The following DNAH10 variants were observed in gnomAD, a reference collection of about 807,000 sequenced individuals.
The protein encoded by DNAH10 is axonemal beta dynein heavy chain 10.
Under a neutral mutation model 506.6 loss-of-function variants are expected in DNAH10, and 348 were observed. The observed-to-expected ratio is 0.69, with a 90% confidence interval of 0.63 to 0.75. DNAH10 has a LOEUF of 0.75. DNAH10 is among the 30% of genes least tolerant of loss of function. The pLI, the probability that DNAH10 is intolerant of heterozygous loss-of-function variation, is 0.00. For missense variants in DNAH10, 5,179 were observed against 5,787.1 expected (o/e 0.89, Z 3.41); for synonymous variants, 2,059 against 2,198.6 (o/e 0.94, Z 1.78).
chr12:123,928,865 C>T lies in DNAH10; in HGVS notation c.12306+278C>T, dbSNP rs550389543. 4.3e-5 allele frequency: 20 copies of T among 464,896 alleles called. No homozygotes were observed. The highest frequency in any genetic ancestry group is 2.7e-4 in the South Asian group (9 of 33,860). The allele number at this position is 464,896 out of a possible 1,614,324, so 28.8% of individuals were successfully genotyped here. ...TTTCATAAACTTCACGGCCCCCCCCCCCACACACAGCCTGCAGTTCGCTAG... is the reference window on the plus strand; with the variant it reads ...TTTCATAAACTTCACGGCCCCCCCCTCCACACACAGCCTGCAGTTCGCTAG... On this transcript the variant is annotated intron_variant, in intron 70 of 78. Transcript: ENST00000673944. The surrounding 1 kb of genome is among the most constrained non-coding windows in gnomAD (Gnocchi z 4.9).
chr12:123,800,205 C>G lies in DNAH10; in HGVS notation c.2290-11C>G. Reference sequence around the variant, plus strand: ...TGCCCTGGCCGCGCTGATGGAATGTCTCTTCCACAGTCTTCCATCGCCACA... The same window carrying G: ...TGCCCTGGCCGCGCTGATGGAATGTGTCTTCCACAGTCTTCCATCGCCACA... On this transcript the variant is annotated splice_polypyrimidine_tract_variant and intron_variant, in intron 14 of 78. Coordinates refer to ENST00000673944, the MANE Select transcript of DNAH10 (RefSeq NM_001372106.1). 1 of 1,612,750 alleles carries G rather than the reference C, an allele frequency of 6.2e-7. No homozygotes were observed. The highest frequency in any genetic ancestry group is 8.5e-7 in the Non-Finnish European group (1 of 1,179,430).
In DNAH10 at chr12:123,916,929, G is replaced by A. The variant is rs1954505405; in HGVS notation, c.11002+193G>A. Among the ~76,000 whole-genome samples, 1 of 152,244 alleles carries A rather than the reference G, an allele frequency of 6.6e-6. No homozygotes were observed. Among genetic ancestry groups the A allele is most frequent in the Non-Finnish European group, 1.5e-5 (1 of 68,054 alleles). ...TGTGAGGCCATGAGTCACCTGTCAT[G>A]AGTCACGCTGAGACGGGGCCGTGGG... is the stretch of plus-strand genomic sequence containing the variant. On this transcript the variant is annotated intron_variant, in intron 63 of 78. Coordinates refer to ENST00000673944, the MANE Select transcript of DNAH10 (RefSeq NM_001372106.1). The surrounding 1 kb of genome is among the most constrained non-coding windows in gnomAD (Gnocchi z 4.6).
At chr12:123,871,005 G>A (rs745342904) in intron 44 of DNAH10, among the ~76,000 whole-genome samples, 3 of 152,084 alleles carry the variant, frequency 2.0e-5, no homozygotes, top group Non-Finnish European at 4.4e-5. Flanking sequence ...TCTGACTTTG[G>A]TCCATTGAGC....
In DNAH10 at chr12:123,762,674, A is replaced by C. The variant is rs1047306103; in HGVS notation, c.214+124A>C. The C allele has an allele frequency of 7.0e-6, 7 of 1,005,988 alleles. No homozygotes were observed. The African/African-American group carries it at 1.0e-4, about 15-fold the overall frequency. The allele number at this position is 1,005,988 out of a possible 1,614,324, so 62.3% of individuals were successfully genotyped here. On this transcript the variant is annotated intron_variant, in intron 1 of 78. Transcript: ENST00000673944. The surrounding 1 kb of genome is among the most constrained non-coding windows in gnomAD (Gnocchi z 5.0). ...GCCCCGGCCTCAGGTGCTGTCCACA[A>C]ACGCTGCCGCCCGCCACGTGCAGGC... is the stretch of plus-strand genomic sequence containing the variant.
At chr12:123,863,785 A>G (rs1951695459) in intron 39 of DNAH10, among the ~76,000 whole-genome samples, 1 of 152,204 alleles carries the variant, frequency 6.6e-6, no homozygotes, top group Non-Finnish European at 1.5e-5. Context: ...TTCTGGGTGA[A>G]CACATCTTTT....
Position 123,917,446 on chromosome 12 carries a change from CT to C in DNAH10, c.11003-135del. The C allele has an allele frequency of 1.2e-6, 1 of 805,258 alleles. No individual in the cohort carries two copies. The highest frequency in any genetic ancestry group is 2.0e-6 in the Non-Finnish European group (1 of 510,980). 49.9% of individuals were successfully genotyped at this position (805,258 alleles called of 1,614,324 possible). A position where few individuals can be genotyped will look rare whatever the true frequency, so the allele number is the denominator to read the frequency against. The stretch of plus-strand genomic sequence containing the variant: ...CTGCCACCTTGCTGCTCTAGAGTGA[CT>C]TTGGTGGGCAGTGAATCCTCGTGCC... On this transcript the variant is annotated intron_variant, in intron 63 of 78. Transcript: ENST00000673944. This position sits in a 1 kb window ranked among gnomAD's most constrained non-coding sequence, Gnocchi z 5.6.
intron 19 of DNAH10, among the ~76,000 whole-genome samples, chr12:123,809,861 G>T (rs141440640): frequency 6.6e-6 from 1 of 152,234 alleles, no homozygotes; most frequent in African/African-American, 2.4e-5. Flanking sequence ...TTGACTGGCT[G>T]CCTGGTTGTG....
Position 123,926,801 on chromosome 12 carries a change from TG to T in DNAH10, c.12089del (p.Gly4030ValfsTer22). ...FGGNRLKFLA[M>X]GQGQEKVALQ... The stretch of plus-strand genomic sequence containing the variant: ...GGAAATCGCCTCAAATTCCTTGCAA[TG>T]GGTCAAGGTCAAGAAAAGGTAATTT... On this transcript the variant is annotated frameshift_variant, in exon 69 of 79. Coordinates refer to ENST00000673944, the MANE Select transcript of DNAH10 (RefSeq NM_001372106.1). LOFTEE classifies it high-confidence loss of function. The surrounding 1 kb of genome is among the most constrained non-coding windows in gnomAD (Gnocchi z 4.1). 1 of 1,613,924 alleles carries T rather than the reference TG, an allele frequency of 6.2e-7. No homozygotes were observed. The highest frequency in any genetic ancestry group is 8.5e-7 in the Non-Finnish European group (1 of 1,179,888).
rs769219698 is a variant in DNAH10, at chr12:123,845,766, C to T, written c.5527C>T (p.Arg1843Cys). Residue 1843 changes from arginine (R) to cysteine (C), a missense_variant, in exon 31 of 79, where the codon CGC (arginine) becomes TGC (cysteine). Around this residue, in one of 3 missense-constraint regions of DNAH10, gnomAD observed 4,844 missense variants for 5,430.5 expected, o/e 0.89. Coordinates refer to ENST00000673944, the MANE Select transcript of DNAH10 (RefSeq NM_001372106.1). ...CCGGCAGATCGATGAGTTGGTAACG[C>T]GCATCACCATGCCGCTAAGCAAAAA... ...MHRQIDELVT[R>C]ITMPLSKNDR... The T allele has an allele frequency of 2.2e-5, 36 of 1,613,806 alleles. No homozygotes were observed. The East Asian group carries it at 3.1e-4, about 14-fold the overall frequency.
At chr12:123,896,138 CACACACACACAGAGAG>C (rs1953218176) in intron 54 of DNAH10, among the ~76,000 whole-genome samples, 1 of 114,166 alleles carries the variant, frequency 8.8e-6, no homozygotes, top group Non-Finnish European at 1.7e-5. Flanking sequence ...CACACACACA[CACACACACACAGAGAG>C]AGAGAGAGAG....
intron 64 of DNAH10, among the ~76,000 whole-genome samples, chr12:123,918,430 G>A (rs999305918): frequency 2.6e-5 from 4 of 152,270 alleles, no homozygotes; most frequent in African/African-American, 4.8e-5. Context: ...GGAAGAAAAG[G>A]GAGAGGGCAG....
At position 123,787,853 on chromosome 12, in the gene DNAH10, C is replaced by T. The variant is rs1481262476; in HGVS notation, c.1471C>T (p.Leu491Phe). 3.1e-6 allele frequency: 5 copies of T among 1,613,996 alleles called. No homozygotes were observed. The highest frequency in any genetic ancestry group is 3.3e-5 in the Admixed American group (2 of 59,978). The part of the protein sequence containing the change: ...QSKTLEARNT[L>F]RLWKKAYFDT... The stretch of plus-strand genomic sequence containing the variant: ...CAAAACCTTGGAAGCCAGGAACACC[C>T]TCAGGCTGTGGAAAAAGGCCTATTT... The change falls in exon 10 of 79, where the codon CTC becomes TTC. Residue 491 changes from leucine (L) to phenylalanine (F), a missense_variant. Leu to Phe is a conservative substitution (Grantham distance 22). This residue lies in a region of DNAH10 where 4,844 missense variants were observed against 5,430.5 expected (regional missense o/e 0.89). Coordinates refer to ENST00000673944, the MANE Select transcript of DNAH10 (RefSeq NM_001372106.1). This position sits in a 1 kb window ranked among gnomAD's most constrained non-coding sequence, Gnocchi z 4.6.
intron 48 of DNAH10, 145 bp from the exon 49 acceptor site, chr12:123,879,119 T>C: frequency 1.6e-6 from 1 of 627,086 alleles, no homozygotes; most frequent in Non-Finnish European, 2.8e-6. Context: ...TTAGATTTCA[T>C]TAACGTGAGA....
intron 2 of DNAH10, 65 bp from the exon 3 acceptor site, chr12:123,771,536 T>G (rs1470813663): frequency 1.1e-5 from 15 of 1,348,558 alleles, no homozygotes; most frequent in Non-Finnish European, 2.1e-6. Flanking sequence ...AATGCAGGGC[T>G]GCTCTTGATG....
intron 35 of DNAH10, among the ~76,000 whole-genome samples, chr12:123,851,421 T>TGGGGACCTAG (rs1951172068): frequency 1.3e-5 from 2 of 149,954 alleles, no homozygotes; most frequent in Admixed American, 6.6e-5. Context: ...TGTGGCTCTT[T>TGGGGACCTAG]GATTTTTGTT....
chr12:123,775,891 C>T (rs1030780806), intron 5 of DNAH10, among the ~76,000 whole-genome samples: 30 of 152,138 alleles, frequency 2.0e-4, no homozygotes, highest in African/African-American at 7.2e-4. Flanking sequence ...AGTCACAGTT[C>T]TGCATGGCTG....
chr12:123,809,054 G>T, intron 19 of DNAH10, 101 bp downstream of exon 19: 1 of 1,393,780 alleles, frequency 7.2e-7, no homozygotes, highest in East Asian at 2.3e-5. Context: ...GCCCAAGGTG[G>T]AATTCTTGAC....
intron 56 of DNAH10, among the ~76,000 whole-genome samples, chr12:123,901,751 C>T (rs993777778): frequency 1.3e-5 from 2 of 152,174 alleles, no homozygotes; most frequent in Non-Finnish European, 2.9e-5. Context: ...ACCTCTGCCT[C>T]CTGGGTTTAA....
chr12:123,780,185 G>T (rs1957593133), intron 5 of DNAH10, among the ~76,000 whole-genome samples: 1 of 122,098 alleles, frequency 8.2e-6, no homozygotes, highest in South Asian at 2.9e-4. Context: ...CTTTCTTTCT[G>T]AGACAGGGTC....
Sources: gnomAD v4.1 joint callset for allele counts (sites outside exome capture counted in the v4.1 genomes callset) on GRCh38, gnomAD v4.1.1 for gene constraint, gnomAD v4.1.1 regional missense constraint, Gnocchi (gnomAD v3.1) non-coding constraint, MANE v1.5 for transcripts, NCBI Gene and HGNC (gene_info 2026-07-23, HGNC 2026-07-21) for gene names.